The following OXR1 variants were observed in gnomAD, a reference collection of about 807,000 sequenced individuals.
OXR1 encodes oxidation resistance 1, also known as oxidation resistance protein 1.
In OXR1, 41 loss-of-function variants were observed where a neutral mutation model predicts 104.6. That is an observed-to-expected ratio of 0.39 (90% CI 0.31 to 0.51). OXR1 has a LOEUF of 0.51. Ranked by LOEUF, OXR1 falls within the 20% of genes least tolerant of loss-of-function variation. OXR1 has a pLI of 0.77. For synonymous variants in OXR1, 348 were observed against 348.4 expected (o/e 1.00, Z 0.01); for missense variants, 955 against 1,031.9 (o/e 0.93, Z 1.02).
At chr8:106,700,702 G>A (rs1449845761) in intron 7 of OXR1, among the ~76,000 whole-genome samples, 2 of 152,172 alleles carry the variant, frequency 1.3e-5, no homozygotes, top group East Asian at 3.8e-4. Flanking sequence ...TCAGTATACT[G>A]AGGCTTTTCT....
At chr8:106,603,011 C>G (rs1427298872) in intron 3 of OXR1, among the ~76,000 whole-genome samples, 1 of 152,112 alleles carries the variant, frequency 6.6e-6, no homozygotes, top group Non-Finnish European at 1.5e-5. Flanking sequence ...CTAGTTGACC[C>G]CATTTTCACC....
chr8:106,607,737 A>C (rs1233051499), intron 3 of OXR1, among the ~76,000 whole-genome samples: 1 of 152,192 alleles, frequency 6.6e-6, no homozygotes, highest in African/African-American at 2.4e-5. Context: ...GACATTTTGC[A>C]TACATTATCT....
intron 2 of OXR1, among the ~76,000 whole-genome samples, chr8:106,432,302 C>A (rs755225889): frequency 2.0e-5 from 3 of 152,172 alleles, no homozygotes; most frequent in Non-Finnish European, 4.4e-5. Context: ...CCTCTCCTCA[C>A]TCTTCCATGG....
intron 2 of OXR1, among the ~76,000 whole-genome samples, chr8:106,408,078 C>T (rs145938585): frequency 3.3e-5 from 5 of 152,264 alleles, no homozygotes; most frequent in Admixed American, 3.3e-4. Context: ...GCCAGTGATG[C>T]TGCTGAACAT....
intron 3 of OXR1, among the ~76,000 whole-genome samples, chr8:106,652,322 C>T (rs1824653174): frequency 6.6e-6 from 1 of 151,756 alleles, no homozygotes; most frequent in African/African-American, 2.4e-5. Context: ...AATGGAAGGC[C>T]TTAAAAATGA....
chr8:106,678,181 ATATTAT>A (rs1013502053), intron 3 of OXR1, among the ~76,000 whole-genome samples: 31 of 152,008 alleles, frequency 2.0e-4, no homozygotes, highest in African/African-American at 7.0e-4. Flanking sequence ...GGGGATTTTG[ATATTAT>A]TATTATTTTT....
intron 3 of OXR1, among the ~76,000 whole-genome samples, chr8:106,589,851 G>C (rs1198639627): frequency 6.6e-6 from 1 of 152,060 alleles, no homozygotes; most frequent in Non-Finnish European, 1.5e-5. Flanking sequence ...ATTTTTAGTA[G>C]AGTCGGCATT....
intron 3 of OXR1, among the ~76,000 whole-genome samples, chr8:106,645,489 T>C (rs1824000997): frequency 6.6e-6 from 1 of 152,180 alleles, no homozygotes; most frequent in Non-Finnish European, 1.5e-5. Context: ...GTTTTGAATC[T>C]GGTTATATTG....
intron 2 of OXR1, among the ~76,000 whole-genome samples, chr8:106,375,591 C>T (rs186556534): frequency 4.1e-4 from 63 of 152,146 alleles, no homozygotes; most frequent in Non-Finnish European, 7.2e-4. Flanking sequence ...GAAATATCCA[C>T]GAGACATCTG....
intron 2 of OXR1, among the ~76,000 whole-genome samples, chr8:106,384,587 A>T (rs1445133639): frequency 6.6e-6 from 1 of 152,010 alleles, no homozygotes; most frequent in South Asian, 2.1e-4. Flanking sequence ...TATATTTCGA[A>T]ATCAGGGGAA....
chr8:106,511,733 C>G (rs547863722), intron 2 of OXR1, among the ~76,000 whole-genome samples: 1 of 152,264 alleles, frequency 6.6e-6, no homozygotes, highest in Non-Finnish European at 1.5e-5. Context: ...AGCATGAATA[C>G]CATTATTGTA....
intron 3 of OXR1, among the ~76,000 whole-genome samples, chr8:106,663,201 A>G (rs547941980): frequency 9.8e-4 from 149 of 152,348 alleles, no homozygotes; most frequent in African/African-American, 3.4e-3. Context: ...AAACCTGATG[A>G]CATAGTACTA....
At chr8:106,668,523 G>A (rs1826591019) in intron 3 of OXR1, among the ~76,000 whole-genome samples, 1 of 152,136 alleles carries the variant, frequency 6.6e-6, no homozygotes, top group South Asian at 2.1e-4. Flanking sequence ...CCACTATATG[G>A]AAGATCTCTG....
chr8:106,386,738 C>A (rs1302988415), intron 2 of OXR1, among the ~76,000 whole-genome samples: 1 of 152,038 alleles, frequency 6.6e-6, no homozygotes. Context: ...TTGAGAAGGG[C>A]AGGATGTTTT....
chr8:106,475,699 T>G (rs936052801), intron 2 of OXR1, among the ~76,000 whole-genome samples: 30 of 152,016 alleles, frequency 2.0e-4, no homozygotes, highest in Non-Finnish European at 2.1e-4. Flanking sequence ...TTGGAACCCT[T>G]CTGCCAGATT....
chr8:106,379,390 A>G (rs1449745979), intron 2 of OXR1, among the ~76,000 whole-genome samples: 2 of 152,090 alleles, frequency 1.3e-5, no homozygotes, highest in Non-Finnish European at 2.9e-5. Context: ...TTGTTTTTTG[A>G]CAAGAGAAGA....
intron 15 of OXR1, among the ~76,000 whole-genome samples, chr8:106,745,451 C>T (rs531976991): frequency 2.4e-4 from 37 of 151,774 alleles, no homozygotes; most frequent in South Asian, 8.4e-4. Flanking sequence ...CATTTGTGTC[C>T]GATTTTTTTT....
intron 3 of OXR1, among the ~76,000 whole-genome samples, chr8:106,560,328 T>C (rs542136747): frequency 6.6e-6 from 1 of 152,330 alleles, no homozygotes; most frequent in East Asian, 1.9e-4. Context: ...ATTTCTGCCC[T>C]GTAAGCTGGG....
Position 106,664,529 on chromosome 8 carries a change from A to T in OXR1, c.221-14681A>T, listed in dbSNP as rs558484752. Among the ~76,000 whole-genome samples the T allele has an allele frequency of 1.2e-3, 176 of 152,360 alleles. 1 individual carries two copies. The highest frequency in any genetic ancestry group is 1.9e-3 in the Non-Finnish European group (127 of 68,034). On this transcript the variant is annotated intron_variant, in intron 3 of 16. Coordinates refer to ENST00000517566, the MANE Select transcript of OXR1 (RefSeq NM_001198533.2). ...TAGTTTTGTTTTAAGTCTAGGAATA[A>T]TCAGTGTATTTGGTCTTTAAGGTAT...
Sources: gnomAD v4.1 joint callset for allele counts (sites outside exome capture counted in the v4.1 genomes callset) on GRCh38, gnomAD v4.1.1 for gene constraint, MANE v1.5 for transcripts, NCBI Gene and HGNC (gene_info 2026-07-23, HGNC 2026-07-21) for gene names.